The following MDGA2 variants were observed in gnomAD, a reference collection of about 807,000 sequenced individuals.
MDGA2 encodes MAM domain-containing glycosylphosphatidylinositol anchor protein 2.
MDGA2 carries 40 observed loss-of-function variants against 117.8 expected under a neutral mutation model. The ratio of observed to expected loss-of-function variants is 0.34; its 90% CI spans 0.26 to 0.44. The LOEUF (loss-of-function observed/expected upper bound fraction) is 0.44, where lower values mean the gene tolerates loss of function less well. Ranked by LOEUF, MDGA2 falls within the 20% of genes least tolerant of loss-of-function variation. The pLI is 1.00. For synonymous variants in MDGA2, 452 were observed against 439.0 expected (o/e 1.03, Z -0.37); for missense variants, 1,123 against 1,250.6 (o/e 0.90, Z 1.54).
intron 2 of MDGA2, among the ~76,000 whole-genome samples, chr14:47,285,425 C>T (rs17738827): frequency 0.091 from 13,820 of 152,022 alleles, 779 homozygotes; most frequent in Non-Finnish European, 0.11. Flanking sequence ...AGCAATAAAT[C>T]ATAAGCAGTA....
intron 12 of MDGA2, among the ~76,000 whole-genome samples, chr14:46,874,718 GTATT>G (rs1465293655): frequency 1.3e-5 from 2 of 151,792 alleles, no homozygotes; most frequent in African/African-American, 2.4e-5. Context: ...ATTTTGAAAA[GTATT>G]TATCCTTCCT....
chr14:47,091,916 C>G (rs1038876643), intron 6 of MDGA2, among the ~76,000 whole-genome samples: 2 of 152,118 alleles, frequency 1.3e-5, no homozygotes, highest in African/African-American at 4.8e-5. Flanking sequence ...CCACATGGAA[C>G]AACCTCCCCA....
chr14:47,610,470 T>C (rs1302771253), intron 1 of MDGA2, among the ~76,000 whole-genome samples: 1 of 152,040 alleles, frequency 6.6e-6, no homozygotes, highest in Non-Finnish European at 1.5e-5. Context: ...AGTTTCCGGA[T>C]ACAAGACTAA....
At chr14:47,109,246 A>T (rs1203163035) in intron 5 of MDGA2, among the ~76,000 whole-genome samples, 1 of 152,244 alleles carries the variant, frequency 6.6e-6, no homozygotes. Flanking sequence ...TCAGCAGAGC[A>T]TGAACTTTCT....
intron 1 of MDGA2, among the ~76,000 whole-genome samples, chr14:47,423,690 C>T (rs1594849805): frequency 6.6e-6 from 1 of 152,186 alleles, no homozygotes; most frequent in Non-Finnish European, 1.5e-5. Context: ...TGTGATAGAA[C>T]TTAATATATT....
At chr14:47,373,442 G>T (rs1447406431) in intron 1 of MDGA2, among the ~76,000 whole-genome samples, 1 of 151,948 alleles carries the variant, frequency 6.6e-6, no homozygotes, top group African/African-American at 2.4e-5. Context: ...TTAAAATGTG[G>T]CATATCCATA....
chr14:46,920,203 G>A (rs756984038), intron 9 of MDGA2, 43 bp from the exon 10 acceptor site: 3 of 1,579,088 alleles, frequency 1.9e-6, no homozygotes, highest in Non-Finnish European at 2.6e-6. Flanking sequence ...ATGACATATT[G>A]TAGTGTAAGC....
At chr14:47,644,968 C>T (rs894220137) in intron 1 of MDGA2, among the ~76,000 whole-genome samples, 8 of 151,996 alleles carry the variant, frequency 5.3e-5, no homozygotes, top group Non-Finnish European at 8.8e-5. Context: ...AGGAAGGGGC[C>T]ATGAGCTAAG....
At chr14:47,197,914 C>G (rs920057254) in intron 3 of MDGA2, among the ~76,000 whole-genome samples, 1 of 151,888 alleles carries the variant, frequency 6.6e-6, no homozygotes, top group African/African-American at 2.4e-5. Flanking sequence ...GTCTCAAAAA[C>G]AGAAAGGACC....
chr14:47,009,525 T>C (rs1040764367), intron 8 of MDGA2, among the ~76,000 whole-genome samples: 1 of 152,008 alleles, frequency 6.6e-6, no homozygotes, highest in East Asian at 1.9e-4. Context: ...ACCAAGCACA[T>C]TTAAGTTCTA....
At chr14:47,353,832 C>T (rs1021873348) in intron 1 of MDGA2, among the ~76,000 whole-genome samples, 19 of 152,046 alleles carry the variant, frequency 1.2e-4, no homozygotes, top group African/African-American at 4.6e-4. Context: ...GATACCAAAG[C>T]CAGAAAAATA....
At chr14:46,882,306 A>G in intron 10 of MDGA2, 85 bp from the exon 11 acceptor site, 2 of 1,213,458 alleles carry the variant, frequency 1.6e-6, no homozygotes, top group South Asian at 1.5e-5. Context: ...TTGAAATTTT[A>G]TTAAATCAAA....
chr14:47,160,148 C>T (rs951576339), intron 3 of MDGA2, among the ~76,000 whole-genome samples: 14 of 152,152 alleles, frequency 9.2e-5, no homozygotes, highest in South Asian at 2.1e-4. Context: ...CAAAATTTAT[C>T]ATGTATTAAA....
chr14:47,238,096 G>C (rs1431030363), intron 2 of MDGA2, among the ~76,000 whole-genome samples: 1 of 152,066 alleles, frequency 6.6e-6, no homozygotes, highest in African/African-American at 2.4e-5. Context: ...TGTACTCTTT[G>C]CTGTCTCTCT....
chr14:47,459,753 A>G (rs1893444383), intron 1 of MDGA2, among the ~76,000 whole-genome samples: 1 of 152,134 alleles, frequency 6.6e-6, no homozygotes, highest in Non-Finnish European at 1.5e-5. Context: ...CTCAAACACT[A>G]TTAGTCTTAT....
intron 5 of MDGA2, among the ~76,000 whole-genome samples, chr14:47,101,075 C>CGATAGATATA (rs1555352758): frequency 7.1e-6 from 1 of 140,110 alleles, no homozygotes; most frequent in Non-Finnish European, 1.5e-5. Flanking sequence ...AATGGAGGGA[C>CGATAGATATA]GATAGATAGA....
At chr14:47,463,403 A>G (rs1183487660) in intron 1 of MDGA2, among the ~76,000 whole-genome samples, 3 of 152,172 alleles carry the variant, frequency 2.0e-5, no homozygotes, top group Non-Finnish European at 4.4e-5. Context: ...ACAGACATAC[A>G]AAAAATAAAA....
At chr14:47,590,519 C>G (rs1252165146) in intron 1 of MDGA2, among the ~76,000 whole-genome samples, 1 of 151,738 alleles carries the variant, frequency 6.6e-6, no homozygotes, top group Admixed American at 6.6e-5. Flanking sequence ...AATTGGAGGT[C>G]TGTCTTCATT....
At chr14:47,198,096 C>A (rs562073029) in intron 3 of MDGA2, among the ~76,000 whole-genome samples, 2 of 152,036 alleles carry the variant, frequency 1.3e-5, no homozygotes, top group Non-Finnish European at 2.9e-5. Context: ...GTAATTATAT[C>A]TCTAGCTACA....
Sources: allele counts gnomAD v4.1 joint callset (sites outside exome capture counted in the v4.1 genomes callset), GRCh38; gene constraint gnomAD v4.1.1; transcripts MANE v1.5; gene names NCBI Gene and HGNC (gene_info 2026-07-23, HGNC 2026-07-21).